The following GPC6 variants were observed in gnomAD, a reference collection of about 807,000 sequenced individuals.
GPC6 encodes glypican 6.
In GPC6, 14 loss-of-function variants were observed where a neutral mutation model predicts 55.2. That is an observed-to-expected ratio of 0.25 (90% confidence interval 0.17 to 0.40). GPC6 has a LOEUF of 0.40. Among genes scored for constraint, GPC6 ranks in the 10% least tolerant of loss-of-function variants. The probability of loss-of-function intolerance (pLI) is 1.00; values close to 1 mark genes in which losing one functional copy is unlikely to be tolerated. For missense variants in GPC6, 641 were observed against 708.5 expected (o/e 0.90, Z 1.08); for synonymous variants, 278 against 259.6 (o/e 1.07, Z -0.68).
intron 2 of GPC6, among the ~76,000 whole-genome samples, chr13:93,789,495 CTCTCTCTCTCTCTCTATA>C (rs1249823816): frequency 4.0e-5 from 3 of 75,940 alleles, no homozygotes; most frequent in African/African-American, 1.5e-4. Context: ...CTCTCTCTCT[CTCTCTCTCTCTCTCTATA>C]TATATATATA....
intron 1 of GPC6, among the ~76,000 whole-genome samples, chr13:93,543,487 T>C (rs1305926918): frequency 6.6e-6 from 1 of 151,936 alleles, no homozygotes; most frequent in African/African-American, 2.4e-5. Context: ...AAAATTCTCT[T>C]TTTTGGTTGT....
chr13:94,238,494 T>A (rs1044755299), intron 4 of GPC6, among the ~76,000 whole-genome samples: 4 of 152,162 alleles, frequency 2.6e-5, no homozygotes, highest in Non-Finnish European at 4.4e-5. Context: ...CAGTGGGCTT[T>A]CACCACGAGG....
intron 1 of GPC6, among the ~76,000 whole-genome samples, chr13:93,356,011 G>A (rs575115997): frequency 1.8e-4 from 27 of 152,036 alleles, no homozygotes; most frequent in African/African-American, 6.3e-4. Flanking sequence ...AAATAGAGAC[G>A]CCATGAGGAA....
At chr13:93,927,495 A>G (rs759964180) in intron 3 of GPC6, among the ~76,000 whole-genome samples, 34 of 152,130 alleles carry the variant, frequency 2.2e-4, no homozygotes, top group Non-Finnish European at 4.1e-4. Context: ...ACACGTTCCT[A>G]TAGTGGTTTG....
At chr13:93,441,672 T>G (rs1406290798) in intron 1 of GPC6, among the ~76,000 whole-genome samples, 3 of 152,218 alleles carry the variant, frequency 2.0e-5, no homozygotes, top group East Asian at 3.8e-4. Flanking sequence ...TAGTTTCTTT[T>G]GTTGTGCAAA....
chr13:94,235,823 T>C (rs1379270817), intron 4 of GPC6, among the ~76,000 whole-genome samples: 1 of 152,094 alleles, frequency 6.6e-6, no homozygotes, highest in Non-Finnish European at 1.5e-5. Context: ...AACCAGTCAA[T>C]TAGTTGCAGA....
At chr13:93,507,952 A>T (rs1880801342) in intron 1 of GPC6, among the ~76,000 whole-genome samples, 1 of 152,220 alleles carries the variant, frequency 6.6e-6, no homozygotes, top group Non-Finnish European at 1.5e-5. Context: ...TAAGAAATCT[A>T]ATATTTATTT....
intron 2 of GPC6, among the ~76,000 whole-genome samples, chr13:93,787,404 A>G (rs1885846768): frequency 6.6e-6 from 1 of 152,214 alleles, no homozygotes; most frequent in Non-Finnish European, 1.5e-5. Context: ...CTCTGTTCCA[A>G]TAAAACCTTA....
chr13:93,559,543 TACAA>T (rs1423853906), intron 2 of GPC6, among the ~76,000 whole-genome samples: 1 of 152,164 alleles, frequency 6.6e-6, no homozygotes, highest in Non-Finnish European at 1.5e-5. Flanking sequence ...GATGGATGAA[TACAA>T]ACAAATTCTG....
intron 4 of GPC6, among the ~76,000 whole-genome samples, chr13:94,083,356 G>A (rs1053568821): frequency 2.0e-5 from 3 of 152,196 alleles, no homozygotes; most frequent in African/African-American, 7.2e-5. Context: ...CTGACCTTGT[G>A]ATGCGCCCAC....
chr13:93,986,789 AT>A (rs1881050775), intron 3 of GPC6, among the ~76,000 whole-genome samples: 1 of 152,160 alleles, frequency 6.6e-6, no homozygotes, highest in South Asian at 2.1e-4. Context: ...TTTTACATTC[AT>A]TTACAGTTGT....
chr13:93,683,390 T>A (rs1881929144), intron 2 of GPC6, among the ~76,000 whole-genome samples: 1 of 152,124 alleles, frequency 6.6e-6, no homozygotes, highest in Non-Finnish European at 1.5e-5. Flanking sequence ...ATACTGAATT[T>A]AAATTTTAGG....
At chr13:93,510,575 T>A (rs533782139) in intron 1 of GPC6, among the ~76,000 whole-genome samples, 3 of 152,176 alleles carry the variant, frequency 2.0e-5, no homozygotes, top group African/African-American at 7.2e-5. Flanking sequence ...AATAGACAGT[T>A]TGATTCCTTA....
At position 94,388,823 on chromosome 13, in the gene GPC6, G is replaced by A. The variant is rs116201442; in HGVS notation, c.1289+6273G>A. ...TCTACCCTCATGATCTCATTCAACC[G>A]TAAGAGGGTACCTAAGAGGTACCAA... On this transcript the variant is annotated intron_variant, in intron 7 of 8. Coordinates refer to ENST00000377047, the MANE Select transcript of GPC6 (RefSeq NM_005708.5). Among the ~76,000 whole-genome samples the A allele has an allele frequency of 4.3e-3, 660 of 152,246 alleles. 6 individuals carry two copies. The highest frequency in any genetic ancestry group is 0.015 in the African/African-American group (630 of 41,540).
chr13:93,747,367 G>A (rs1167853454), intron 2 of GPC6, among the ~76,000 whole-genome samples: 3 of 152,066 alleles, frequency 2.0e-5, no homozygotes, highest in Non-Finnish European at 4.4e-5. Flanking sequence ...AGAAGAGACT[G>A]TACAGTCAAA....
chr13:93,523,660 A>G (rs1465945107), intron 1 of GPC6, among the ~76,000 whole-genome samples: 1 of 152,026 alleles, frequency 6.6e-6, no homozygotes, highest in Non-Finnish European at 1.5e-5. Flanking sequence ...CTAAGTTGAA[A>G]GACAAAGATT....
chr13:93,231,345 A>ATATAGTCTGGTATTTTTAAT (rs1876010396), intron 1 of GPC6, among the ~76,000 whole-genome samples: 1 of 36,394 alleles, frequency 2.7e-5, no homozygotes, highest in African/African-American at 1.3e-4. Flanking sequence ...ATATATATAT[A>ATATAGTCTGGTATTTTTAAT]CATATATATA....
At chr13:93,549,241 C>T (rs967996824) in intron 2 of GPC6, among the ~76,000 whole-genome samples, 1 of 152,094 alleles carries the variant, frequency 6.6e-6, no homozygotes, top group Non-Finnish European at 1.5e-5. Flanking sequence ...CCCCAGGCAA[C>T]AATAAACAAA....
intron 2 of GPC6, among the ~76,000 whole-genome samples, chr13:93,769,311 G>A (rs919848577): frequency 6.6e-6 from 1 of 151,932 alleles, no homozygotes; most frequent in African/African-American, 2.4e-5. Context: ...GAATGTACAC[G>A]TCTCTAAACA....
Sources: gnomAD v4.1 joint callset for allele counts (sites outside exome capture counted in the v4.1 genomes callset) on GRCh38, gnomAD v4.1.1 for gene constraint, MANE v1.5 for transcripts, NCBI Gene and HGNC (gene_info 2026-07-23, HGNC 2026-07-21) for gene names.